Variants in GDAP1 observed in about 807,000 individuals in gnomAD.
The protein encoded by GDAP1 is ganglioside-induced differentiation-associated protein 1.
A neutral mutation model predicts 40.1 loss-of-function variants in GDAP1; 34 were observed. That is an observed-to-expected ratio of 0.85 (90% CI 0.64 to 1.13). GDAP1 has a LOEUF of 1.13. GDAP1 is among the 50% of genes most tolerant of loss of function. The pLI is 0.00. For missense variants in GDAP1, 374 were observed against 433.7 expected (o/e 0.86, Z 1.22); for synonymous variants, 170 against 157.4 (o/e 1.08, Z -0.60).
At chr8:74,386,757 T>C (rs1810031364) in intron 2 of GDAP1, among the ~76,000 whole-genome samples, 1 of 152,214 alleles carries the variant, frequency 6.6e-6, no homozygotes, top group Non-Finnish European at 1.5e-5. Context: ...TAGCATTGAA[T>C]CTATAAACTC....
chr8:74,473,066 G>A (rs1806580094), intron 2 of GDAP1, among the ~76,000 whole-genome samples: 1 of 135,156 alleles, frequency 7.4e-6, no homozygotes, highest in Non-Finnish European at 1.6e-5. Flanking sequence ...TTTTTCCTAT[G>A]CTTGTTGGCT....
intron 3 of GDAP1, among the ~76,000 whole-genome samples, chr8:74,360,981 C>T (rs1469856543): frequency 6.6e-6 from 1 of 152,170 alleles, no homozygotes; most frequent in African/African-American, 2.4e-5. Context: ...ATGTGTTCCC[C>T]ATTATGTGAT....
At chr8:74,397,126 A>C (rs1315808834) in intron 2 of GDAP1, among the ~76,000 whole-genome samples, 1 of 151,124 alleles carries the variant, frequency 6.6e-6, no homozygotes, top group Non-Finnish European at 1.5e-5. Flanking sequence ...GCATTTTTTC[A>C]TGTATCTGTT....
chr8:74,473,806 T>C (rs755504087), intron 2 of GDAP1, among the ~76,000 whole-genome samples: 2 of 139,712 alleles, frequency 1.4e-5, no homozygotes, highest in Non-Finnish European at 3.3e-5. Context: ...TGGTTCTCTA[T>C]GAATTTTAGA....
chr8:74,480,747 A>G (rs1253391069), intron 2 of GDAP1, among the ~76,000 whole-genome samples: 1 of 152,194 alleles, frequency 6.6e-6, no homozygotes, highest in Admixed American at 6.5e-5. Context: ...AGATAATTAC[A>G]CTGTGTCTTT....
downstream of GDAP1, among the ~76,000 whole-genome samples, chr8:74,367,473 T>G (rs574594679): frequency 7.2e-5 from 11 of 152,276 alleles, no homozygotes; most frequent in South Asian, 8.3e-4. Context: ...GCAACAATAC[T>G]GAATACTTAT....
At chr8:74,367,042 C>T (rs957273627), downstream of GDAP1, 15 of 232,284 alleles carry the variant, frequency 6.5e-5, 1 homozygote, top group Admixed American at 3.4e-4. Flanking sequence ...ACTCTTGCTT[C>T]ATTTAAATAT....
At chr8:74,485,802 G>A (rs537867021) in intron 2 of GDAP1, among the ~76,000 whole-genome samples, 6 of 152,264 alleles carry the variant, frequency 3.9e-5, no homozygotes, top group Admixed American at 3.9e-4. Flanking sequence ...TGTTGGGTGA[G>A]GTTTGGCCAT....
At chr8:74,416,932 T>G (rs1371191056) in intron 2 of GDAP1, among the ~76,000 whole-genome samples, 3 of 143,420 alleles carry the variant, frequency 2.1e-5, no homozygotes, top group Non-Finnish European at 4.5e-5. Flanking sequence ...GTTTTTTGTT[T>G]TTTTTTTTTT....
At chr8:74,442,709 C>T (rs1283942093) in intron 2 of GDAP1, among the ~76,000 whole-genome samples, 1 of 152,080 alleles carries the variant, frequency 6.6e-6, no homozygotes, top group Non-Finnish European at 1.5e-5. Flanking sequence ...GCTGTCAGCA[C>T]AGGAGAGCAA....
chr8:74,353,925 GT>G (rs989916647), intron 2 of GDAP1, among the ~76,000 whole-genome samples: 1 of 152,084 alleles, frequency 6.6e-6, no homozygotes, highest in African/African-American at 2.4e-5. Context: ...ACCAATTTAA[GT>G]TTTACACTGC....
chr8:74,356,716 A>ATT lies in GDAP1; in HGVS notation c.311-3405_311-3404dup, dbSNP rs377497809. Among the ~76,000 whole-genome samples, 70 of 104,334 alleles carry ATT rather than the reference A, an allele frequency of 6.7e-4. 4 individuals are homozygous for ATT. The highest frequency in any genetic ancestry group is 1.9e-3 in the African/African-American group (45 of 24,220). The allele number at this position is 104,334 out of a possible 152,430, so 68.4% of individuals were successfully genotyped here. ...TTTGTGTGTGTGTATATATATATAT[A>ATT]TTTTTTTTTTTTTTTTTGAGACGGA... On this transcript the variant is annotated intron_variant, in intron 2 of 5. Transcript: ENST00000220822.
At chr8:74,433,153 A>G (rs1373229287) in intron 2 of GDAP1, among the ~76,000 whole-genome samples, 1 of 152,168 alleles carries the variant, frequency 6.6e-6, no homozygotes, top group East Asian at 1.9e-4. Flanking sequence ...GTCTTTTCTC[A>G]GAGGAGCCTT....
intron 2 of GDAP1, among the ~76,000 whole-genome samples, chr8:74,425,262 T>G (rs1193713734): frequency 6.6e-6 from 1 of 152,244 alleles, no homozygotes; most frequent in East Asian, 1.9e-4. Context: ...AGTACCATTT[T>G]CAATGTCTCA....
chr8:74,356,718 T>TATA lies in GDAP1; in HGVS notation c.311-3419_311-3418insATA, dbSNP rs1563440394. Among the ~76,000 whole-genome samples, 290 of 96,496 alleles carry TATA rather than the reference T, an allele frequency of 3.0e-3. 4 individuals are homozygous for TATA. Among genetic ancestry groups the TATA allele is most frequent in the African/African-American group, 0.013 (275 of 21,630 alleles). 63.3% of individuals were successfully genotyped at this position (96,496 alleles called of 152,430 possible). A position where few individuals can be genotyped will look rare whatever the true frequency, so the allele number is the denominator to read the frequency against. On this transcript the variant is annotated intron_variant, in intron 2 of 5. Transcript: ENST00000220822. ...TGTGTGTGTGTATATATATATATAT[T>TATA]TTTTTTTTTTTTTTTGAGACGGAGT...
chr8:74,481,290 A>G (rs1166890268), intron 2 of GDAP1, among the ~76,000 whole-genome samples: 1 of 152,242 alleles, frequency 6.6e-6, no homozygotes, highest in Admixed American at 6.5e-5. Context: ...CAGCCAGGGC[A>G]GGGCTAAGCC....
intron 1 of GDAP1, 129 bp downstream of exon 1, chr8:74,350,707 G>A (rs1808816663): frequency 1.3e-6 from 1 of 748,274 alleles, no homozygotes; most frequent in Non-Finnish European, 2.4e-6. Flanking sequence ...CCCCGGGCAG[G>A]CGCTCCCTCC....
chr8:74,465,071 T>C (rs1467989375), intron 2 of GDAP1, among the ~76,000 whole-genome samples: 2 of 151,790 alleles, frequency 1.3e-5, no homozygotes, highest in East Asian at 3.9e-4. Context: ...ATACAACAAG[T>C]TAGCTGGGCG....
At chr8:74,401,416 G>A (rs540989578) in intron 2 of GDAP1, among the ~76,000 whole-genome samples, 1 of 149,864 alleles carries the variant, frequency 6.7e-6, no homozygotes, top group South Asian at 2.1e-4. Flanking sequence ...GCTCCTTTAA[G>A]CACTTCTCTG....
Sources: gnomAD v4.1 joint callset for allele counts (sites outside exome capture counted in the v4.1 genomes callset) on GRCh38, gnomAD v4.1.1 for gene constraint, MANE v1.5 for transcripts, NCBI Gene and HGNC (gene_info 2026-07-23, HGNC 2026-07-21) for gene names.